PUS7: variants seen among roughly 807,000 people sequenced by gnomAD.
The protein encoded by PUS7 is pseudouridine synthase 7.
Under a neutral mutation model 79.8 loss-of-function variants are expected in PUS7, and 48 were observed. That is an observed-to-expected ratio of 0.60 (90% CI 0.48 to 0.76). PUS7 has a LOEUF of 0.76. Ranked by LOEUF, PUS7 falls within the 30% of genes least tolerant of loss-of-function variation. The probability of loss-of-function intolerance (pLI) is 0.00; values close to 1 mark genes in which losing one functional copy is unlikely to be tolerated. For missense variants in PUS7, 729 were observed against 797.6 expected, an observed-to-expected ratio of 0.91 and a Z score of 1.04; for synonymous variants, 286 against 272.2, an observed-to-expected ratio of 1.05 and a Z score of -0.50.
intron 7 of PUS7, among the ~76,000 whole-genome samples, chr7:105,486,305 A>G (rs1482544394): frequency 6.7e-6 from 1 of 150,326 alleles, no homozygotes; most frequent in African/African-American, 2.5e-5. Flanking sequence ...TGCCCGCCTT[A>G]GCCTCCCAAA....
chr7:105,475,707 C>T (rs563017618), intron 9 of PUS7, among the ~76,000 whole-genome samples: 3 of 152,142 alleles, frequency 2.0e-5, no homozygotes, highest in African/African-American at 7.2e-5. Flanking sequence ...ATAACATTTA[C>T]CTTTTTGGCT....
At chr7:105,489,866 C>A (rs1376279744) in intron 7 of PUS7, among the ~76,000 whole-genome samples, 1 of 152,028 alleles carries the variant, frequency 6.6e-6, no homozygotes, top group East Asian at 1.9e-4. Flanking sequence ...TGCCTGTAAT[C>A]CCAACACTGT....
chr7:105,487,376 G>T (rs2133157781), intron 7 of PUS7, among the ~76,000 whole-genome samples: 1 of 152,278 alleles, frequency 6.6e-6, no homozygotes, highest in Non-Finnish European at 1.5e-5. Flanking sequence ...CTTCTTAGTG[G>T]AATGTTTTTA....
At chr7:105,484,287 G>A (rs1286476414) in intron 7 of PUS7, among the ~76,000 whole-genome samples, 1 of 152,022 alleles carries the variant, frequency 6.6e-6, no homozygotes. Flanking sequence ...CTGAAACTGT[G>A]TTTCTATATT....
At chr7:105,495,473 G>T (rs1043170553) in intron 5 of PUS7, 9 of 354,236 alleles carry the variant, frequency 2.5e-5, no homozygotes, top group East Asian at 1.7e-4. Context: ...CTAAAATGTG[G>T]CTGGGCACGG....
intron 2 of PUS7, 71 bp from the exon 3 acceptor site, chr7:105,506,344 T>C: frequency 9.1e-7 from 1 of 1,104,544 alleles, no homozygotes; most frequent in South Asian, 1.4e-5. Flanking sequence ...ATAAAGTTGA[T>C]CAACAGCAAG....
At chr7:105,512,063 T>C (rs1825722634) in intron 1 of PUS7, among the ~76,000 whole-genome samples, 2 of 145,496 alleles carry the variant, frequency 1.4e-5, no homozygotes, top group Non-Finnish European at 3.0e-5. Flanking sequence ...GAGAATCGCT[T>C]GAACCTGGGA....
chr7:105,457,877 A>C lies in PUS7; in HGVS notation c.1899T>G (p.Thr633=), dbSNP rs768914140. 1 of 1,614,118 alleles carries C rather than the reference A, an allele frequency of 6.2e-7. No homozygotes were observed. The highest frequency in any genetic ancestry group is 8.5e-7 in the Non-Finnish European group (1 of 1,179,966). The change falls in exon 16 of 16, where the codon ACT becomes ACG. Residue 633 remains threonine (T), a synonymous_variant. Coordinates refer to ENST00000469408, the MANE Select transcript of PUS7 (RefSeq NM_019042.5). The part of the protein sequence containing the change: ...LKMDFSLPPS[T]YATMAIREVL... ...CTTCTCGAATGGCCATGGTGGCGTA[A>C]GTAGAAGGGGGTAGAGAAAAATCCA...
At chr7:105,473,866 C>CA (rs1203789498) in intron 9 of PUS7, among the ~76,000 whole-genome samples, 1 of 152,138 alleles carries the variant, frequency 6.6e-6, no homozygotes, top group East Asian at 1.9e-4. Context: ...TATATGCTTT[C>CA]AAAAAACTGA....
rs889847651 is a variant in PUS7, at chr7:105,457,813, G to T, written c.1963C>A (p.Leu655Met). The change falls in exon 16 of 16, where the codon CTG (leucine) becomes ATG (methionine). Residue 655 changes from leucine to methionine, a missense_variant. Transcript: ENST00000469408. ...GCTCAGCGAAGCCAGGTTGTATTCA[G>T]CTGCGTCTGGTTCTTGATACTGGTA... ...MDTSIKNQTQ[L>M]NTTWLR is the part of the protein sequence containing the mutation. The T allele has an allele frequency of 6.2e-7, 1 of 1,614,096 alleles. No homozygotes were observed. The highest frequency in any genetic ancestry group is 1.1e-5 in the South Asian group (1 of 91,070).
chr7:105,463,205 T>A (rs1445729110), intron 13 of PUS7, among the ~76,000 whole-genome samples: 2 of 152,224 alleles, frequency 1.3e-5, no homozygotes, highest in East Asian at 3.8e-4. Context: ...GTCTTTTTTA[T>A]AGCACTCAAG....
At chr7:105,493,049 T>C (rs1050793484) in intron 6 of PUS7, among the ~76,000 whole-genome samples, 1 of 152,248 alleles carries the variant, frequency 6.6e-6, no homozygotes, top group African/African-American at 2.4e-5. Flanking sequence ...ATGCACTTCC[T>C]ATCCATCATC....
rs1270755942 is a variant in PUS7 at position 105,514,171 on chromosome 7, C to T, written c.-32-5627G>A. Among the ~76,000 whole-genome samples, 3 of 132,822 alleles carry T rather than the reference C, an allele frequency of 2.3e-5. No homozygotes were observed. The Admixed American group carries it at 2.3e-4, about 10-fold the overall frequency. 87.1% of individuals were successfully genotyped at this position (132,822 alleles called of 152,430 possible). On this transcript the variant is annotated intron_variant, in intron 1 of 15. Transcript: ENST00000469408. The stretch of plus-strand genomic sequence containing the variant: ...GCGTGAACCCAGGAGGCGGAGCTTG[C>T]GGTGAGCCGAGATTGTGCCACTGCA...
At chr7:105,494,947 A>G (rs759177902) in intron 6 of PUS7, among the ~76,000 whole-genome samples, 195 bp downstream of exon 6, 2 of 149,770 alleles carry the variant, frequency 1.3e-5, no homozygotes, top group Non-Finnish European at 3.0e-5. Context: ...CATTCACTCC[A>G]GCCTGAGTGA....
At chr7:105,488,142 A>C (rs1199416668) in intron 7 of PUS7, among the ~76,000 whole-genome samples, 1 of 152,224 alleles carries the variant, frequency 6.6e-6, no homozygotes, top group African/African-American at 2.4e-5. Context: ...CAAAAATCTG[A>C]GGACAGAGCA....
chr7:105,501,941 C>T (rs1825266213), intron 5 of PUS7, among the ~76,000 whole-genome samples: 1 of 112,720 alleles, frequency 8.9e-6, no homozygotes, highest in Non-Finnish European at 1.7e-5. Context: ...GGCGACAGGG[C>T]GAGACTCCGT....
intron 6 of PUS7, among the ~76,000 whole-genome samples, chr7:105,492,171 G>A (rs1433620303): frequency 6.6e-6 from 1 of 152,070 alleles, no homozygotes; most frequent in Non-Finnish European, 1.5e-5. Flanking sequence ...GGAGGCCTGA[G>A]GCAGGAGGAC....
Position 105,482,333 on chromosome 7 carries a change from T to C in PUS7, c.1028A>G (p.Asn343Ser). The change falls in exon 8 of 16, where the codon AAC becomes AGC. Residue 343 changes from asparagine to serine, a missense_variant. Transcript: ENST00000469408. ...TTACCTGAGAACAACAGTGAAGTGGTTTCCTTGAAGCTCTCCCAATTTCAG... is the reference window on the plus strand; with the variant it reads ...TTACCTGAGAACAACAGTGAAGTGGCTTCCTTGAAGCTCTCCCAATTTCAG... ...NPLKLGELQG[N>S]HFTVVLRNIT... 2 of 1,613,724 alleles carry C rather than the reference T, an allele frequency of 1.2e-6. No homozygotes were observed.
At chr7:105,486,244 G>A (rs1357258877) in intron 7 of PUS7, among the ~76,000 whole-genome samples, 5 of 151,320 alleles carry the variant, frequency 3.3e-5, no homozygotes, top group Admixed American at 3.3e-4. Context: ...GCAGAGACGG[G>A]GTTTCACCAT....
Sources: allele counts gnomAD v4.1 joint callset (sites outside exome capture counted in the v4.1 genomes callset), GRCh38; gene constraint gnomAD v4.1.1; transcripts MANE v1.5; gene names NCBI Gene and HGNC (gene_info 2026-07-23, HGNC 2026-07-21).